Variants in SNAPC3 observed in about 807,000 individuals in gnomAD.
SNAPC3 encodes the protein snRNA-activating protein complex subunit 3.
SNAPC3 carries 56 observed loss-of-function variants against 47.7 expected under a neutral mutation model. The ratio of observed to expected loss-of-function variants is 1.18; its 90% CI spans 0.95 to 1.47. The LOEUF (loss-of-function observed/expected upper bound fraction) is 1.47, where lower values mean the gene tolerates loss of function less well. Ranked by LOEUF, SNAPC3 falls within the 40% of genes most tolerant of loss-of-function variation. SNAPC3 has a pLI of 0.00. For synonymous variants in SNAPC3, 235 were observed against 189.9 expected (o/e 1.24, Z -1.95); for missense variants, 665 against 511.3 (o/e 1.30, Z -2.90).
intron 2 of SNAPC3, among the ~76,000 whole-genome samples, chr9:15,430,537 A>T (rs956611277): frequency 2.6e-5 from 4 of 152,232 alleles, no homozygotes; most frequent in Non-Finnish European, 5.9e-5. Flanking sequence ...ACAGAAATTA[A>T]TGAGGAAAAT....
chr9:15,436,074 C>T (rs2032775524), intron 3 of SNAPC3, among the ~76,000 whole-genome samples: 1 of 152,282 alleles, frequency 6.6e-6, no homozygotes, highest in South Asian at 2.1e-4. Flanking sequence ...GAACTCCTGA[C>T]CTCAGGTGAT....
intron 4 of SNAPC3, 89 bp from the exon 5 acceptor site, chr9:15,447,006 A>G (rs2033982289): frequency 9.1e-7 from 1 of 1,096,540 alleles, no homozygotes; most frequent in Non-Finnish European, 1.4e-6. Flanking sequence ...TAAGAAAACC[A>G]GCAATTTAAT....
intron 7 of SNAPC3, among the ~76,000 whole-genome samples, chr9:15,457,560 A>C (rs1009835889): frequency 2.0e-5 from 3 of 152,112 alleles, no homozygotes; most frequent in Non-Finnish European, 4.4e-5. Flanking sequence ...ATGCCACCGT[A>C]CTCCAGCCTG....
chr9:15,440,358 T>A (rs1392783634), intron 3 of SNAPC3, among the ~76,000 whole-genome samples: 1 of 152,204 alleles, frequency 6.6e-6, no homozygotes, highest in Non-Finnish European at 1.5e-5. Context: ...TTCTTACAGG[T>A]CAGGTCTGCT....
rs189794007 is a variant in SNAPC3, at chr9:15,431,954, A to C, written c.393-1598A>C. On this transcript the variant is annotated intron_variant, in intron 2 of 8. Coordinates refer to ENST00000380821, the MANE Select transcript of SNAPC3 (RefSeq NM_001039697.2). ...ATCATCCATGCACAGGGGCCGTGCT[A>C]ATCTTAAATATATTGTTCCGATTTT... 3.2e-4 allele frequency: 40 copies of C among 125,478 alleles called. No individual in the cohort carries two copies. The East Asian group carries it at 8.2e-3, about 26-fold the overall frequency. 7.8% of individuals were successfully genotyped at this position (125,478 alleles called of 1,614,324 possible).
At chr9:15,438,631 T>C (rs553898948) in intron 3 of SNAPC3, among the ~76,000 whole-genome samples, 24 of 152,334 alleles carry the variant, frequency 1.6e-4, no homozygotes, top group East Asian at 5.8e-4. Flanking sequence ...TCCTATGCTG[T>C]GATTTTTGTC....
At chr9:15,434,416 T>G (rs1308133145) in intron 3 of SNAPC3, among the ~76,000 whole-genome samples, 1 of 151,646 alleles carries the variant, frequency 6.6e-6, no homozygotes, top group South Asian at 2.1e-4. Flanking sequence ...TGGCTTTTTT[T>G]TTTTTTTTTG....
chr9:15,422,967 C>A lies in SNAPC3; in HGVS notation c.88C>A (p.Pro30Thr). The change falls in exon 1 of 9, where the codon CCA becomes ACA. Residue 30 changes from proline to threonine, a missense_variant. Coordinates refer to ENST00000380821, the MANE Select transcript of SNAPC3 (RefSeq NM_001039697.2). ...CTCCGGCAGTGGCGGCTGCAACTTTCCAGAGTATGAGCTTCCCGAGCTAAA... is the reference window on the plus strand; with the variant it reads ...CTCCGGCAGTGGCGGCTGCAACTTTACAGAGTATGAGCTTCCCGAGCTAAA... ...PVSGSGGCNF[P>T]EYELPELNTR... 6.5e-7 allele frequency: 1 copy of A among 1,541,302 alleles called. No individual in the cohort carries two copies. The highest frequency in any genetic ancestry group is 2.5e-5 in the East Asian group (1 of 40,746).
At chr9:15,452,978 T>G (rs2034503210) in intron 6 of SNAPC3, 63 bp from the exon 7 acceptor site, 1 of 1,362,364 alleles carries the variant, frequency 7.3e-7, no homozygotes, top group Non-Finnish European at 1.0e-6. Context: ...AATCACAAAC[T>G]GTTTTCTGTA....
downstream of SNAPC3, chr9:15,464,998 G>C: frequency 4.6e-6 from 1 of 219,596 alleles, no homozygotes. Context: ...TAGACTGTGA[G>C]ATTAAAATTA....
At position 15,461,493 on chromosome 9, in the gene SNAPC3, C is replaced by T. The variant is rs1157212312; in HGVS notation, c.*1627C>T. 1 of 152,192 alleles carries T rather than the reference C, an allele frequency of 6.6e-6. No homozygotes were observed. The highest frequency in any genetic ancestry group is 1.9e-4 in the East Asian group (1 of 5,200). The allele number at this position is 152,192 out of a possible 1,614,324, so 9.4% of individuals were successfully genotyped here. On this transcript the variant is annotated 3_prime_UTR_variant, in exon 9 of 9. Transcript: ENST00000380821. Reference sequence around the variant, plus strand: ...ACTTTCTTTATTTTCAGGTCTAGACCATCAGATAGATTTATTCAAATATTT... The same window carrying T: ...ACTTTCTTTATTTTCAGGTCTAGACTATCAGATAGATTTATTCAAATATTT...
chr9:15,464,737 C>T (rs998277971), downstream of SNAPC3: 1 of 204,046 alleles, frequency 4.9e-6, no homozygotes, highest in African/African-American at 2.3e-5. Context: ...TAGTGCCTGC[C>T]TATAAAAGGA....
chr9:15,441,168 A>G (rs2033315822), intron 3 of SNAPC3, among the ~76,000 whole-genome samples: 2 of 146,020 alleles, frequency 1.4e-5, no homozygotes, highest in South Asian at 4.4e-4. Context: ...GAGCACATTT[A>G]AGTCAGTTGC....
At chr9:15,443,165 G>A (rs2033642338) in intron 3 of SNAPC3, among the ~76,000 whole-genome samples, 17 of 152,180 alleles carry the variant, frequency 1.1e-4, no homozygotes, top group Admixed American at 1.1e-3. Context: ...ACTGTGGAGA[G>A]AGAGGGAGAG....
chr9:15,424,669 C>A (rs973188107), intron 2 of SNAPC3, among the ~76,000 whole-genome samples: 3 of 152,158 alleles, frequency 2.0e-5, no homozygotes, highest in Non-Finnish European at 4.4e-5. Context: ...TAGATGAATT[C>A]TGGTCTGCCT....
chr9:15,435,846 T>TTC (rs1287296577), intron 3 of SNAPC3, among the ~76,000 whole-genome samples: 1 of 147,022 alleles, frequency 6.8e-6, no homozygotes, highest in African/African-American at 2.5e-5. Flanking sequence ...TTTTCTTTCT[T>TTC]TTTTTTTTTT....
chr9:15,444,175 A>G (rs1012740350), intron 3 of SNAPC3, among the ~76,000 whole-genome samples: 5 of 152,230 alleles, frequency 3.3e-5, no homozygotes, highest in Non-Finnish European at 7.3e-5. Flanking sequence ...ACAAATCCGT[A>G]TTTGCGTCCT....
intron 2 of SNAPC3, among the ~76,000 whole-genome samples, chr9:15,432,836 A>G (rs549888628): frequency 2.6e-5 from 4 of 152,360 alleles, no homozygotes; most frequent in African/African-American, 7.2e-5. Context: ...TGCAGACATA[A>G]TCTATCAGTG....
downstream of SNAPC3, chr9:15,464,103 C>T (rs1036328070): frequency 1.1e-5 from 2 of 179,704 alleles, no homozygotes; most frequent in African/African-American, 2.4e-5. Flanking sequence ...CAAGTTTACA[C>T]GTTGAACTTA....
Sources: gnomAD v4.1 joint callset for allele counts (sites outside exome capture counted in the v4.1 genomes callset) on GRCh38, gnomAD v4.1.1 for gene constraint, MANE v1.5 for transcripts, NCBI Gene and HGNC (gene_info 2026-07-23, HGNC 2026-07-21) for gene names.